NOX4: variants seen among roughly 807,000 people sequenced by gnomAD.
NOX4 encodes the protein kidney oxidase-1.
NOX4 carries 69 observed loss-of-function variants against 87.6 expected under a neutral mutation model. The ratio of observed to expected loss-of-function variants is 0.79; its 90% CI spans 0.65 to 0.96. The LOEUF is 0.96. NOX4 is among the 40% of genes least tolerant of loss of function. The pLI, the probability that NOX4 is intolerant of heterozygous loss-of-function variation, is 0.00. For synonymous variants in NOX4, 275 were observed against 238.2 expected (o/e 1.15, Z -1.42); for missense variants, 680 against 681.5 (o/e 1.00, Z 0.02).
chr11:89,326,993 A>C, intron 17 of NOX4, 117 bp from the exon 18 acceptor site: 1 of 920,738 alleles, frequency 1.1e-6, no homozygotes, highest in South Asian at 1.9e-5. Flanking sequence ...TTGCTATTTT[A>C]CATATTGAAA....
At chr11:89,542,307 C>T in the NOX4 span, among the ~76,000 whole-genome samples, 48 of 152,250 alleles carry the variant, frequency 3.2e-4, no homozygotes, top group African/African-American at 1.0e-3. Flanking sequence ...TATTATATGT[C>T]TTCTAATATT....
At chr11:89,500,842 A>G (rs2135511472), upstream of NOX4, among the ~76,000 whole-genome samples, 1 of 152,214 alleles carries the variant, frequency 6.6e-6, no homozygotes, top group East Asian at 1.9e-4. Context: ...TATTCAAGGC[A>G]CCGTATTTTA....
At chr11:89,528,603 A>G in the NOX4 span, among the ~76,000 whole-genome samples, 2 of 152,076 alleles carry the variant, frequency 1.3e-5, no homozygotes, top group African/African-American at 4.8e-5. Context: ...TTTATAAGGG[A>G]CACTTCCCCT....
At chr11:89,551,701 G>T in the NOX4 span, among the ~76,000 whole-genome samples, 1 of 152,274 alleles carries the variant, frequency 6.6e-6, no homozygotes, top group East Asian at 1.9e-4. Flanking sequence ...GGGCTGAGAT[G>T]ATGGGGTTTT....
intron 8 of NOX4, among the ~76,000 whole-genome samples, chr11:89,417,432 T>A: frequency 6.6e-6 from 1 of 152,092 alleles, no homozygotes; most frequent in South Asian, 2.1e-4. Flanking sequence ...AGCACACCAA[T>A]AGCAACCTCC....
chr11:89,375,299 G>A (rs1257512355), intron 11 of NOX4, among the ~76,000 whole-genome samples: 1 of 151,608 alleles, frequency 6.6e-6, no homozygotes, highest in African/African-American at 2.4e-5. Flanking sequence ...TATTTACATT[G>A]TAACTTTTGT....
chr11:89,428,977 C>T (rs1391300051), intron 7 of NOX4, among the ~76,000 whole-genome samples: 1 of 152,152 alleles, frequency 6.6e-6, no homozygotes, highest in African/African-American at 2.4e-5. Flanking sequence ...AAGCACTCCT[C>T]AGCAAATGTA....
chr11:89,452,417 C>T (rs1945003060), intron 2 of NOX4, among the ~76,000 whole-genome samples: 1 of 152,204 alleles, frequency 6.6e-6, no homozygotes, highest in Non-Finnish European at 1.5e-5. Context: ...TTTCTGGTCA[C>T]ATAGTAAGCA....
intron 15 of NOX4, among the ~76,000 whole-genome samples, chr11:89,338,828 T>C (rs927406173): frequency 9.2e-5 from 14 of 152,192 alleles, no homozygotes; most frequent in African/African-American, 3.4e-4. Flanking sequence ...TGTTTGATGG[T>C]TGTTCTTGAA....
At chr11:89,432,126 T>TC (rs1186629798) in intron 7 of NOX4, among the ~76,000 whole-genome samples, 2 of 151,956 alleles carry the variant, frequency 1.3e-5, no homozygotes, top group Non-Finnish European at 2.9e-5. Flanking sequence ...CCACATGTTC[T>TC]CACTCATAGG....
chr11:89,491,285 A>G lies in NOX4; in HGVS notation c.-39T>C. The G allele has an allele frequency of 3.1e-6, 5 of 1,595,268 alleles. No individual in the cohort carries two copies. The highest frequency in any genetic ancestry group is 3.4e-6 in the Non-Finnish European group (4 of 1,171,772). ...CCGCGCTGCGCTCTGTGCCCGCCGG[A>G]CCGAGAAGGAGCGGGCGGCGGCCGG... On this transcript the variant is annotated 5_prime_UTR_variant, in exon 1 of 18. Transcript: ENST00000263317.
At chr11:89,425,591 A>T (rs1591198573) in intron 7 of NOX4, among the ~76,000 whole-genome samples, 1 of 152,174 alleles carries the variant, frequency 6.6e-6, no homozygotes, top group East Asian at 1.9e-4. Flanking sequence ...AATTAAAAGT[A>T]ATACTCTAAT....
intron 7 of NOX4, among the ~76,000 whole-genome samples, chr11:89,425,048 C>T (rs1943301254): frequency 6.6e-6 from 1 of 152,028 alleles, no homozygotes; most frequent in Admixed American, 6.6e-5. Flanking sequence ...AATATAAAAG[C>T]TCAGGATTGA....
At chr11:89,472,551 G>A (rs961737604) in intron 2 of NOX4, among the ~76,000 whole-genome samples, 4 of 151,448 alleles carry the variant, frequency 2.6e-5, no homozygotes, top group African/African-American at 7.3e-5. Context: ...TTTTATCTAC[G>A]CTTTCTAAAA....
At chr11:89,499,734 G>A (rs1946997701), upstream of NOX4, among the ~76,000 whole-genome samples, 1 of 152,110 alleles carries the variant, frequency 6.6e-6, no homozygotes, top group Non-Finnish European at 1.5e-5. Flanking sequence ...TGGTTTATCT[G>A]TCTTCCCCAT....
At chr11:89,352,646 A>C (rs1458739269) in intron 13 of NOX4, among the ~76,000 whole-genome samples, 1 of 152,220 alleles carries the variant, frequency 6.6e-6, no homozygotes, top group Non-Finnish European at 1.5e-5. Context: ...CCATGACTTC[A>C]GAGGAGGAAG....
At chr11:89,491,100 T>A in intron 1 of NOX4, 90 bp downstream of exon 1, 1 of 1,301,400 alleles carries the variant, frequency 7.7e-7, no homozygotes, top group Non-Finnish European at 1.1e-6. Context: ...AACTTCCACT[T>A]CCAGCTTCCC....
intron 2 of NOX4, among the ~76,000 whole-genome samples, chr11:89,484,699 T>G (rs41338754): frequency 6.6e-6 from 1 of 152,008 alleles, no homozygotes; most frequent in Non-Finnish European, 1.5e-5. Context: ...TAAAACTCTA[T>G]GAATCAGTGT....
At chr11:89,425,358 A>G (rs1211065949) in intron 7 of NOX4, among the ~76,000 whole-genome samples, 1 of 151,614 alleles carries the variant, frequency 6.6e-6, no homozygotes, top group East Asian at 1.9e-4. Context: ...CATCATTGAA[A>G]AAGCATGCAA....
Sources: gnomAD v4.1 joint callset for allele counts (sites outside exome capture counted in the v4.1 genomes callset) on GRCh38, gnomAD v4.1.1 for gene constraint, MANE v1.5 for transcripts, NCBI Gene and HGNC (gene_info 2026-07-23, HGNC 2026-07-21) for gene names.